Variants in NIPAL2 observed in about 807,000 individuals in gnomAD.
NIPAL2 encodes NIPA like domain containing 2.
In NIPAL2, 43 loss-of-function variants were observed where a neutral mutation model predicts 48.9. That is an observed-to-expected ratio of 0.88 (90% CI 0.69 to 1.13). The LOEUF is 1.13. NIPAL2 is among the 50% of genes most tolerant of loss of function. NIPAL2 has a pLI of 0.00. For synonymous variants in NIPAL2, 167 were observed against 174.6 expected (o/e 0.96, Z 0.34); for missense variants, 446 against 461.4 (o/e 0.97, Z 0.31).
At chr8:98,266,471 G>A (rs1044494133) in intron 1 of NIPAL2, among the ~76,000 whole-genome samples, 6 of 149,662 alleles carry the variant, frequency 4.0e-5, no homozygotes, top group Admixed American at 2.7e-4. Flanking sequence ...GCATAGCAGC[G>A]TGCACCTGCA....
Position 98,280,753 on chromosome 8 carries a change from T to G in NIPAL2, c.135+13250A>C, listed in dbSNP as rs1430089043. Among the ~76,000 whole-genome samples, 58 of 38,124 alleles carry G rather than the reference T, an allele frequency of 1.5e-3. 1 individual carries two copies. The highest frequency in any genetic ancestry group is 2.2e-3 in the Non-Finnish European group (36 of 16,562). The allele number at this position is 38,124 out of a possible 152,430, so 25.0% of individuals were successfully genotyped here. ...GTCCATTACTATATATATATATATA[T>G]ATATATATAGAGAGAGAGAGAGAGA... On this transcript the variant is annotated intron_variant, in intron 1 of 10. Coordinates refer to ENST00000430223, the MANE Select transcript of NIPAL2 (RefSeq NM_001321635.2).
rs80322586 is a variant in NIPAL2, at chr8:98,250,659, A to C, written c.376+1804T>G. ...TGAAGCTGAAACATTAATTGGGGCT[A>C]ACAGCACACAAAGAAAAATAATCTG... On this transcript the variant is annotated intron_variant, in intron 3 of 10. Transcript: ENST00000430223. 3.2e-3 allele frequency among the ~76,000 whole-genome samples: 492 copies of C among 152,356 alleles called. 1 individual carries two copies. Among genetic ancestry groups the C allele is most frequent in the African/African-American group, 0.011 (459 of 41,574 alleles).
chr8:98,229,208 C>T (rs1038518805), intron 4 of NIPAL2, among the ~76,000 whole-genome samples: 1 of 152,154 alleles, frequency 6.6e-6, no homozygotes, highest in African/African-American at 2.4e-5. Flanking sequence ...AGTCTATAAT[C>T]GTCTGGTGGG....
chr8:98,224,939 T>C (rs1812086521), intron 4 of NIPAL2, among the ~76,000 whole-genome samples: 1 of 151,960 alleles, frequency 6.6e-6, no homozygotes, highest in Non-Finnish European at 1.5e-5. Context: ...GTATTTTTAG[T>C]AGAGATAGGG....
chr8:98,223,127 A>C (rs1811990614), intron 4 of NIPAL2, among the ~76,000 whole-genome samples: 1 of 152,244 alleles, frequency 6.6e-6, no homozygotes, highest in Non-Finnish European at 1.5e-5. Flanking sequence ...GAGCATCTTT[A>C]ATCACTGCCA....
intron 3 of NIPAL2, among the ~76,000 whole-genome samples, chr8:98,243,063 GA>G (rs1268108688): frequency 6.6e-6 from 1 of 152,206 alleles, no homozygotes; most frequent in African/African-American, 2.4e-5. Flanking sequence ...TCCGTAAGGG[GA>G]AAGGACATGC....
intron 5 of NIPAL2, among the ~76,000 whole-genome samples, chr8:98,213,701 TG>T (rs772533872): frequency 2.0e-5 from 3 of 152,196 alleles, no homozygotes; most frequent in Non-Finnish European, 2.9e-5. Context: ...GCTCTTTCAC[TG>T]ATCTTTGCAC....
rs1037150714 is a variant in NIPAL2, at chr8:98,190,037, G to T, written c.*2941C>A. The T allele has an allele frequency of 3.3e-5, 5 of 152,244 alleles. No homozygotes were observed. Among genetic ancestry groups the T allele is most frequent in the African/African-American group, 1.2e-4 (5 of 41,462 alleles). 9.4% of individuals were successfully genotyped at this position (152,244 alleles called of 1,614,324 possible). A position where few individuals can be genotyped will look rare whatever the true frequency, so the allele number is the denominator to read the frequency against. On this transcript the variant is annotated 3_prime_UTR_variant, in exon 11 of 11. Coordinates refer to ENST00000430223, the MANE Select transcript of NIPAL2 (RefSeq NM_001321635.2). Reference sequence around the variant, plus strand: ...GAATTGGAGAGGCTTTTCGAATGTAGTTAGTGGTGTTCACAAAAGAACCAC... The same window carrying T: ...GAATTGGAGAGGCTTTTCGAATGTATTTAGTGGTGTTCACAAAAGAACCAC...
At chr8:98,236,713 A>G (rs962873293) in intron 3 of NIPAL2, among the ~76,000 whole-genome samples, 1 of 151,794 alleles carries the variant, frequency 6.6e-6, no homozygotes, top group Non-Finnish European at 1.5e-5. Flanking sequence ...TTAGTGGGGC[A>G]TGGTGGCGTG....
chr8:98,218,940 C>T (rs920754554), intron 5 of NIPAL2, among the ~76,000 whole-genome samples: 3 of 152,142 alleles, frequency 2.0e-5, no homozygotes, highest in African/African-American at 7.2e-5. Context: ...TATTAAGAGG[C>T]TGCTGACACA....
At chr8:98,200,218 G>A (rs1810737306) in intron 8 of NIPAL2, among the ~76,000 whole-genome samples, 1 of 152,072 alleles carries the variant, frequency 6.6e-6, no homozygotes, top group African/African-American at 2.4e-5. Context: ...GTGATAAGTA[G>A]GTTCATACTG....
intron 1 of NIPAL2, among the ~76,000 whole-genome samples, chr8:98,292,548 G>A (rs1455436482): frequency 6.6e-6 from 1 of 152,122 alleles, no homozygotes; most frequent in East Asian, 1.9e-4. Context: ...GGCAAATTAA[G>A]CCTTGCAAAC....
chr8:98,248,270 A>G (rs1340201582), intron 3 of NIPAL2, among the ~76,000 whole-genome samples: 1 of 152,208 alleles, frequency 6.6e-6, no homozygotes, highest in African/African-American at 2.4e-5. Context: ...CCTTTCTTGA[A>G]TTGGTTTCTC....
intron 5 of NIPAL2, chr8:98,217,136 G>C: frequency 1.0e-6 from 1 of 985,456 alleles, no homozygotes; most frequent in Non-Finnish European, 1.2e-6. Flanking sequence ...GTTTTAGTGA[G>C]TGCACTTTAT....
At chr8:98,266,046 A>G (rs1348635155) in intron 1 of NIPAL2, among the ~76,000 whole-genome samples, 36 of 148,512 alleles carry the variant, frequency 2.4e-4, no homozygotes, top group African/African-American at 8.7e-4. Context: ...AAAACCAAAC[A>G]CCGCATATTC....
intron 1 of NIPAL2, among the ~76,000 whole-genome samples, chr8:98,281,487 G>T (rs1306237218): frequency 1.3e-5 from 2 of 152,066 alleles, no homozygotes; most frequent in South Asian, 4.1e-4. Flanking sequence ...ATAACTAAGA[G>T]TATAATTGGA....
rs1810306116 is a variant in NIPAL2 at position 98,191,557 on chromosome 8, A to T, written c.*1421T>A. ...CTAAAAGACCTGAGCCATTAAGGTT[A>T]CAGTCTCAATACCACCGAGTTAAAC... On this transcript the variant is annotated 3_prime_UTR_variant, in exon 11 of 11. Transcript: ENST00000430223. 1 of 152,224 alleles carries T rather than the reference A, an allele frequency of 6.6e-6. No homozygotes were observed. The highest frequency in any genetic ancestry group is 1.5e-5 in the Non-Finnish European group (1 of 68,048). 9.4% of individuals were successfully genotyped at this position (152,224 alleles called of 1,614,324 possible). A position where few individuals can be genotyped will look rare whatever the true frequency, so the allele number is the denominator to read the frequency against.
chr8:98,222,503 G>C lies in NIPAL2; in HGVS notation c.534C>G (p.Val178=), dbSNP rs150852913. ...CCACATAGATCAGGAACTGCCATCC[G>C]ACAAGGTAATACTGTACTGTTCTTG... is the stretch of plus-strand genomic sequence containing the variant. ...ISARTVQYYL[V]GWQFLIYVIL... Residue 178 remains valine, a synonymous_variant, in exon 5 of 11, where the codon GTC becomes GTG. Coordinates refer to ENST00000430223, the MANE Select transcript of NIPAL2 (RefSeq NM_001321635.2). 7 of 1,613,548 alleles carry C rather than the reference G, an allele frequency of 4.3e-6. No homozygotes were observed. The highest frequency in any genetic ancestry group is 5.9e-6 in the Non-Finnish European group (7 of 1,179,846).
intron 3 of NIPAL2, among the ~76,000 whole-genome samples, chr8:98,246,570 C>T (rs1373393628): frequency 2.6e-5 from 4 of 152,206 alleles, no homozygotes; most frequent in Non-Finnish European, 5.9e-5. Context: ...CTATTTATTA[C>T]TCATTTCCAT....
Sources: allele counts gnomAD v4.1 joint callset (sites outside exome capture counted in the v4.1 genomes callset), GRCh38; gene constraint gnomAD v4.1.1; transcripts MANE v1.5; gene names NCBI Gene and HGNC (gene_info 2026-07-23, HGNC 2026-07-21).